FBXO36: variants seen among roughly 807,000 people sequenced by gnomAD.
The protein encoded by FBXO36 is F-box only protein 36.
A neutral mutation model predicts 17.0 loss-of-function variants in FBXO36; 18 were observed. That is an observed-to-expected ratio of 1.06 (90% CI 0.73 to 1.57). The LOEUF is 1.57. Ranked by LOEUF, FBXO36 falls within the 40% of genes most tolerant of loss-of-function variation. FBXO36 has a pLI of 0.00. For missense variants in FBXO36, 229 were observed against 221.9 expected (o/e 1.03, Z -0.20); for synonymous variants, 83 against 85.3 (o/e 0.97, Z 0.15).
At chr2:229,999,334 C>T (rs1188090676) in intron 3 of FBXO36, among the ~76,000 whole-genome samples, 1 of 149,958 alleles carries the variant, frequency 6.7e-6, no homozygotes, top group African/African-American at 2.4e-5. Context: ...CCCGTGTTGG[C>T]CAGGCTGATC....
intron 3 of FBXO36, among the ~76,000 whole-genome samples, chr2:230,003,963 T>G (rs2077373273): frequency 6.6e-6 from 1 of 152,224 alleles, no homozygotes; most frequent in Non-Finnish European, 1.5e-5. Context: ...TGTACTCTGG[T>G]CATGCCATTG....
At chr2:229,922,885 TAG>T (rs759511532) in intron 1 of FBXO36, among the ~76,000 whole-genome samples, 1 of 152,140 alleles carries the variant, frequency 6.6e-6, no homozygotes, top group Non-Finnish European at 1.5e-5. Context: ...TTCTTACCCG[TAG>T]AGTTTCCTCC....
intron 3 of FBXO36, among the ~76,000 whole-genome samples, chr2:230,000,851 C>CTTTTTTTTTTTT (rs71049612): frequency 2.2e-5 from 2 of 89,486 alleles, no homozygotes; most frequent in Non-Finnish European, 4.5e-5. Flanking sequence ...AACCACTTTT[C>CTTTTTTTTTTTT]TTTTTTTTTT....
In FBXO36 at chr2:229,996,865, C is replaced by T; in HGVS notation, c.320C>T (p.Ser107Phe). Residue 107 changes from serine (S) to phenylalanine (F), a missense_variant, in exon 3 of 4, where the codon TCT becomes TTT. Ser to Phe is a radical substitution (Grantham distance 155). Transcript: ENST00000283946. Reference protein sequence around the residue: ...LSDDLLLTIISYLDLEDIARL... With the variant: ...LSDDLLLTIIFYLDLEDIARL... ...GACGATTTGCTCCTGACTATCATTT[C>T]TTATCTGGATCTTGAAGATATTGCC... The T allele has an allele frequency of 6.2e-7, 1 of 1,614,058 alleles. No individual in the cohort carries two copies.
At position 229,954,234 on chromosome 2, in the gene FBXO36, A is replaced by ATTTT. The variant is rs60093081; in HGVS notation, c.97-21984_97-21981dup. 1.2e-3 allele frequency among the ~76,000 whole-genome samples: 83 copies of ATTTT among 71,396 alleles called. 12 individuals are homozygous for ATTTT. The highest frequency in any genetic ancestry group is 1.6e-3 in the African/African-American group (32 of 20,600). 46.8% of individuals were successfully genotyped at this position (71,396 alleles called of 152,430 possible). A position where few individuals can be genotyped will look rare whatever the true frequency, so the allele number is the denominator to read the frequency against. Reference sequence around the variant, plus strand: ...GCAACTGTCATTACAAACCCTTTGGATTTTTTTTTTTTTTTTTTTTTTTTT... The same window carrying ATTTT: ...GCAACTGTCATTACAAACCCTTTGGATTTTTTTTTTTTTTTTTTTTTTTTTTTTT... On this transcript the variant is annotated intron_variant, in intron 1 of 3. Transcript: ENST00000283946.
intron 2 of FBXO36, among the ~76,000 whole-genome samples, chr2:229,984,356 CAAAAA>C (rs575731960): frequency 6.7e-6 from 1 of 150,080 alleles, no homozygotes; most frequent in Non-Finnish European, 1.5e-5. Flanking sequence ...CAAAAACAAA[CAAAAA>C]AAATCAAATC....
chr2:229,931,022 G>A (rs914045978), intron 1 of FBXO36, among the ~76,000 whole-genome samples: 4 of 152,098 alleles, frequency 2.6e-5, no homozygotes, highest in Admixed American at 6.6e-5. Flanking sequence ...CAAACATTGT[G>A]TCTTGTGACA....
chr2:229,990,354 T>C (rs1485717172), intron 2 of FBXO36, among the ~76,000 whole-genome samples: 1 of 151,658 alleles, frequency 6.6e-6, no homozygotes, highest in Non-Finnish European at 1.5e-5. Flanking sequence ...TCATTATTAT[T>C]GTTACTGTTA....
chr2:229,955,517 GAA>G (rs1402445030), intron 1 of FBXO36, among the ~76,000 whole-genome samples: 1 of 138,030 alleles, frequency 7.2e-6, no homozygotes. Flanking sequence ...CCCCGTCTCA[GAA>G]AAAAAAAAAA....
At chr2:229,973,975 A>G (rs1329559715) in intron 1 of FBXO36, among the ~76,000 whole-genome samples, 3 of 151,512 alleles carry the variant, frequency 2.0e-5, no homozygotes, top group African/African-American at 7.3e-5. Flanking sequence ...ACTTGAGTCC[A>G]GGAAGTCGAG....
rs1176533354 is a variant in FBXO36, at chr2:229,939,056, T to C, written c.96+16447T>C. On this transcript the variant is annotated intron_variant, in intron 1 of 3. Transcript: ENST00000283946. ...ATACACCTTTTTTTTGGTTTGTTTTTTGTTTTTTTTTTTTTTTGAGGAGTT... is the reference window on the plus strand; with the variant it reads ...ATACACCTTTTTTTTGGTTTGTTTTCTGTTTTTTTTTTTTTTTGAGGAGTT... 2.1e-5 allele frequency: 3 copies of C among 139,568 alleles called. No individual in the cohort carries two copies. The East Asian group carries it at 7.0e-4, about 32-fold the overall frequency. The allele number at this position is 139,568 out of a possible 1,614,324, so 8.6% of individuals were successfully genotyped here. A position where few individuals can be genotyped will look rare whatever the true frequency, so the allele number is the denominator to read the frequency against.
Position 229,969,894 on chromosome 2 carries a change from C to T in FBXO36, c.97-6347C>T, listed in dbSNP as rs555331993. ...CAAAAGACATTAAGAGGTATTTCAC[C>T]GAAGAGGATATATGAATGGCAGATA... On this transcript the variant is annotated intron_variant, in intron 1 of 3. Coordinates refer to ENST00000283946, the MANE Select transcript of FBXO36 (RefSeq NM_174899.5). Among the ~76,000 whole-genome samples, 33 of 151,902 alleles carry T rather than the reference C, an allele frequency of 2.2e-4. 1 individual carries two copies. The South Asian group carries it at 5.2e-3, about 24-fold the overall frequency.
intron 2 of FBXO36, among the ~76,000 whole-genome samples, chr2:229,995,900 A>ATT (rs1212028671): frequency 7.0e-6 from 1 of 143,028 alleles, no homozygotes; most frequent in African/African-American, 2.5e-5. Flanking sequence ...CCCTGTTCCT[A>ATT]TTTTTTTTTT....
chr2:230,011,596 T>C lies in FBXO36; in HGVS notation c.*712T>C, dbSNP rs2077415967. ...TAAACCTATAAACATTTCTTTTCTT[T>C]TCTTTTTTTTTTTTTTTTTGTATTT... is the stretch of plus-strand genomic sequence containing the variant. On this transcript the variant is annotated 3_prime_UTR_variant, in exon 4 of 4. Transcript: ENST00000283946. 2.4e-5 allele frequency: 1 copy of C among 42,130 alleles called. No individual in the cohort carries two copies. Among genetic ancestry groups the C allele is most frequent in the Non-Finnish European group, 5.0e-5 (1 of 20,104 alleles). 2.6% of individuals were successfully genotyped at this position (42,130 alleles called of 1,614,324 possible).
chr2:229,997,631 C>T (rs922353478), intron 3 of FBXO36, among the ~76,000 whole-genome samples: 4 of 151,944 alleles, frequency 2.6e-5, no homozygotes, highest in Non-Finnish European at 5.9e-5. Flanking sequence ...ACCTGACATC[C>T]GCGTTTCCAT....
chr2:230,004,811 A>G (rs555468566), intron 3 of FBXO36, among the ~76,000 whole-genome samples: 1 of 152,270 alleles, frequency 6.6e-6, no homozygotes, highest in East Asian at 1.9e-4. Context: ...GTTTGAGAAC[A>G]GTCTGACCAA....
At chr2:229,970,535 C>G (rs562551554) in intron 1 of FBXO36, among the ~76,000 whole-genome samples, 15 of 152,206 alleles carry the variant, frequency 9.9e-5, no homozygotes, top group Admixed American at 7.2e-4. Flanking sequence ...ACAGCATCCT[C>G]AGAGTTGAAA....
Position 229,984,746 on chromosome 2 carries a change from G to A in FBXO36, c.205+8397G>A, listed in dbSNP as rs575447407. On this transcript the variant is annotated intron_variant, in intron 2 of 3. Transcript: ENST00000283946. ...ATATATTATGATTATTTTTCTGTTA[G>A]TGTACATAAAGTCCCCTGTTCTTTT... Among the ~76,000 whole-genome samples the A allele has an allele frequency of 5.3e-5, 8 of 152,182 alleles. No homozygotes were observed. The East Asian group carries it at 1.5e-3, about 29-fold the overall frequency.
At chr2:229,974,259 C>T (rs1369518145) in intron 1 of FBXO36, among the ~76,000 whole-genome samples, 1 of 152,102 alleles carries the variant, frequency 6.6e-6, no homozygotes, top group African/African-American at 2.4e-5. Context: ...TATGAGTTAG[C>T]AGTGAGGAGA....
Sources: gnomAD v4.1 joint callset for allele counts (sites outside exome capture counted in the v4.1 genomes callset) on GRCh38, gnomAD v4.1.1 for gene constraint, MANE v1.5 for transcripts, NCBI Gene and HGNC (gene_info 2026-07-23, HGNC 2026-07-21) for gene names.